CEP89: variants seen among roughly 807,000 people sequenced by gnomAD.
CEP89 encodes the protein centrosomal protein 89, also known as centrosomal protein of 89 kDa.
Under a neutral mutation model 97.6 loss-of-function variants are expected in CEP89, and 95 were observed. That is an observed-to-expected ratio of 0.97 (90% CI 0.82 to 1.15). CEP89 has a LOEUF of 1.15. Among genes scored for constraint, CEP89 ranks in the 50% most tolerant of loss-of-function variants. The pLI, the probability that CEP89 is intolerant of heterozygous loss-of-function variation, is 0.00. For missense variants in CEP89, 869 were observed against 947.7 expected (o/e 0.92, Z 1.09); for synonymous variants, 354 against 349.1 (o/e 1.01, Z -0.16).
At chr19:32,897,933 G>A (rs533823338) in intron 16 of CEP89, among the ~76,000 whole-genome samples, 5 of 152,302 alleles carry the variant, frequency 3.3e-5, no homozygotes, top group Admixed American at 2.0e-4. Context: ...CTGTTGGTGG[G>A]AATGTAAATT....
rs372210835 is a variant in CEP89, at chr19:32,940,973, C to G, written c.596-1088G>C. On this transcript the variant is annotated intron_variant, in intron 5 of 18. Transcript: ENST00000305768. ...ACAGGGTTCCCCCACGTTGGCCAGG[C>G]TGGTCTTGAACTCCTGACCTCAGAT... 1.3e-4 allele frequency among the ~76,000 whole-genome samples: 20 copies of G among 152,088 alleles called. No homozygotes were observed. In the East Asian group the frequency reaches 3.5e-3, roughly 27 times the overall value.
chr19:32,968,648 CT>C (rs1481306068), intron 1 of CEP89, among the ~76,000 whole-genome samples: 1 of 152,094 alleles, frequency 6.6e-6, no homozygotes, highest in Non-Finnish European at 1.5e-5. Flanking sequence ...TGAATCCCCC[CT>C]CATACCATCA....
In CEP89 at chr19:32,877,197, G is replaced by A. The variant is rs1204448099; in HGVS notation, c.*1965C>T. 6.6e-6 allele frequency: 1 copy of A among 152,188 alleles called. No individual in the cohort carries two copies. The highest frequency in any genetic ancestry group is 2.4e-5 in the African/African-American group (1 of 41,434). 9.4% of individuals were successfully genotyped at this position (152,188 alleles called of 1,614,324 possible). ...AAAATTAAATTACAATGATTCAACT[G>A]TTGAACAAGCTTATAGAGTCATAAA... On this transcript the variant is annotated 3_prime_UTR_variant, in exon 19 of 19. Transcript: ENST00000305768.
chr19:32,897,037 C>A (rs1969658541), intron 16 of CEP89, among the ~76,000 whole-genome samples: 1 of 152,002 alleles, frequency 6.6e-6, no homozygotes, highest in African/African-American at 2.4e-5. Flanking sequence ...CTGATGTCAA[C>A]CTAAAATAAT....
At chr19:32,928,654 C>G (rs8102681) in intron 9 of CEP89, among the ~76,000 whole-genome samples, 57,192 of 152,018 alleles carry the variant, frequency 0.38, 10,956 homozygotes, top group Admixed American at 0.48. Flanking sequence ...CAGTATCTTG[C>G]AGTCTCATCC....
In CEP89 at chr19:32,953,732, G is replaced by A. The variant is rs1050194201; in HGVS notation, c.375C>T (p.Asp125=). The A allele has an allele frequency of 6.8e-6, 11 of 1,613,880 alleles. No individual in the cohort carries two copies. The highest frequency in any genetic ancestry group is 1.7e-5 in the Admixed American group (1 of 59,994). ...LPSFETLDYG[D]EEDIETQLSS... Reference sequence around the variant, plus strand: ...ACAGCTGAGTTTCAATGTCCTCTTCGTCCCCATAGTCCAGTGTTTCAAAGG... The same window carrying A: ...ACAGCTGAGTTTCAATGTCCTCTTCATCCCCATAGTCCAGTGTTTCAAAGG... The change falls in exon 4 of 19, where the codon GAC becomes GAT. Residue 125 remains aspartate (D), a synonymous_variant. Transcript: ENST00000305768.
At chr19:32,931,329 A>T in intron 9 of CEP89, 100 bp downstream of exon 9, 1 of 1,126,924 alleles carries the variant, frequency 8.9e-7, no homozygotes, top group Non-Finnish European at 1.2e-6. Flanking sequence ...CTTTTCTTAC[A>T]TCAAATTATA....
rs755606910 is a variant in CEP89 at position 32,913,947 on chromosome 19, G to A, written c.1565+1390C>T. Among the ~76,000 whole-genome samples the A allele has an allele frequency of 2.0e-5, 3 of 152,028 alleles. No individual in the cohort carries two copies. In the South Asian group the frequency reaches 6.2e-4, roughly 32 times the overall value. On this transcript the variant is annotated intron_variant, in intron 14 of 18. Coordinates refer to ENST00000305768, the MANE Select transcript of CEP89 (RefSeq NM_032816.5). ...AGCCACCGTGCCCGGCCACACACAC[G>A]TCTTAAAAAATAAAATTGTAATCAT...
rs1319226051 is a variant in CEP89 at position 32,879,127 on chromosome 19, G to A, written c.*35C>T. ...GGCCTGTGTGAGGCAGACCTTTCAG[G>A]CCAGAGGAGGCTACACCACGGGCTC... On this transcript the variant is annotated 3_prime_UTR_variant, in exon 19 of 19. Transcript: ENST00000305768. The A allele has an allele frequency of 6.5e-7, 1 of 1,545,400 alleles. No individual in the cohort carries two copies. The highest frequency in any genetic ancestry group is 2.2e-5 in the East Asian group (1 of 44,478).
intron 10 of CEP89, among the ~76,000 whole-genome samples, chr19:32,926,643 C>T (rs1200535155): frequency 6.6e-6 from 1 of 152,224 alleles, no homozygotes; most frequent in Non-Finnish European, 1.5e-5. Context: ...CTCACTGCAA[C>T]CTAAACCTCC....
chr19:32,902,006 C>CTGTGTG (rs1287486651), intron 14 of CEP89, among the ~76,000 whole-genome samples: 21 of 98,718 alleles, frequency 2.1e-4, no homozygotes, highest in African/African-American at 8.8e-4. Flanking sequence ...GTCTCTCTCT[C>CTGTGTG]TCTCTGTGTG....
intron 7 of CEP89, among the ~76,000 whole-genome samples, chr19:32,935,546 G>A (rs1258719324): frequency 1.3e-5 from 2 of 152,238 alleles, no homozygotes; most frequent in Admixed American, 1.3e-4. Context: ...TGAATGCATG[G>A]CGCAGAAGTT....
chr19:32,929,268 G>A (rs1262116454), intron 9 of CEP89, among the ~76,000 whole-genome samples: 1 of 152,104 alleles, frequency 6.6e-6, no homozygotes, highest in African/African-American at 2.4e-5. Flanking sequence ...TGCTATAAGT[G>A]CCTTAAGAGT....
chr19:32,928,478 C>T (rs996387313), intron 9 of CEP89, among the ~76,000 whole-genome samples: 12 of 151,928 alleles, frequency 7.9e-5, no homozygotes, highest in African/African-American at 1.9e-4. Context: ...CTGTAGTAAC[C>T]TTTCCTAAAA....
chr19:32,943,104 C>T (rs1488618716), intron 5 of CEP89, among the ~76,000 whole-genome samples: 1 of 152,186 alleles, frequency 6.6e-6, no homozygotes, highest in African/African-American at 2.4e-5. Context: ...CTCAAGTGAT[C>T]TTCCTGCCTC....
intron 11 of CEP89, among the ~76,000 whole-genome samples, chr19:32,925,749 A>G (rs539373947): frequency 6.6e-6 from 1 of 152,202 alleles, no homozygotes; most frequent in Non-Finnish European, 1.5e-5. Context: ...CGGCCTCCCA[A>G]AGTGCTGAGA....
intron 12 of CEP89, among the ~76,000 whole-genome samples, chr19:32,919,734 G>A (rs1278749664): frequency 6.6e-6 from 1 of 152,186 alleles, no homozygotes; most frequent in Non-Finnish European, 1.5e-5. Flanking sequence ...GTGAAATCTT[G>A]GCCCACTGCA....
intron 4 of CEP89, among the ~76,000 whole-genome samples, chr19:32,951,511 T>TTATATATATATATA (rs72440449): frequency 3.8e-5 from 5 of 132,042 alleles, no homozygotes; most frequent in African/African-American, 1.5e-4. Context: ...CAACAAAAAA[T>TTATATATATATATA]TATATATATA....
rs751376600 is a variant in CEP89 at position 32,918,273 on chromosome 19, C to A, written c.1335G>T (p.Glu445Asp). The change falls in exon 13 of 19, where the codon GAG becomes GAT. Residue 445 changes from glutamate to aspartate, a missense_variant. Transcript: ENST00000305768. The part of the protein sequence containing the change: ...EENKLLLEQL[E>D]IQQRKAKDSH... ...TGTCCTTGGCTTTCCTTTGCTGAAT[C>A]TCCAACTGCTCCAGCAACAACTTGT... is the stretch of plus-strand genomic sequence containing the variant. 12 of 1,614,108 alleles carry A rather than the reference C, an allele frequency of 7.4e-6. No individual in the cohort carries two copies. Among genetic ancestry groups the A allele is most frequent in the African/African-American group, 5.3e-5 (4 of 74,938 alleles).
Sources: allele counts gnomAD v4.1 joint callset (sites outside exome capture counted in the v4.1 genomes callset), GRCh38; gene constraint gnomAD v4.1.1; transcripts MANE v1.5; gene names NCBI Gene and HGNC (gene_info 2026-07-23, HGNC 2026-07-21).